Variants in RLF observed in about 807,000 individuals in gnomAD.
RLF encodes RLF zinc finger.
In RLF, 7 loss-of-function variants were observed where a neutral mutation model predicts 162.9. The ratio of observed to expected loss-of-function variants is 0.04; its 90% CI spans 0.02 to 0.08. The LOEUF is 0.08. Among genes scored for constraint, RLF ranks in the 10% least tolerant of loss-of-function variants. RLF has a pLI of 1.00. For synonymous variants in RLF, 782 were observed against 791.5 expected, an observed-to-expected ratio of 0.99 and a Z score of 0.20; for missense variants, 1,664 against 2,244.7, an observed-to-expected ratio of 0.74 and a Z score of 5.23.
chr1:40,194,056 C>T (rs750019235), intron 3 of RLF, among the ~76,000 whole-genome samples: 6 of 152,144 alleles, frequency 3.9e-5, no homozygotes, highest in Non-Finnish European at 7.3e-5. Context: ...GAAACATATA[C>T]GTAATCATTT....
chr1:40,195,529 C>A, intron 3 of RLF, 103 bp from the exon 4 acceptor site: 4 of 881,684 alleles, frequency 4.5e-6, no homozygotes, highest in South Asian at 4.4e-5. Flanking sequence ...TCAGGAAATC[C>A]AAATAGGTTC....
At chr1:40,212,185 C>T (rs540408337) in intron 5 of RLF, among the ~76,000 whole-genome samples, 28 of 152,100 alleles carry the variant, frequency 1.8e-4, no homozygotes, top group South Asian at 6.2e-4. Context: ...TGGGGGTATC[C>T]CAATAATAGG....
chr1:40,194,332 C>T (rs1427861676), intron 3 of RLF, among the ~76,000 whole-genome samples: 2 of 152,010 alleles, frequency 1.3e-5, no homozygotes, highest in Admixed American at 6.6e-5. Context: ...TAAAAGAAAG[C>T]GGCACCAATG....
chr1:40,200,654 T>C (rs1161934238), intron 4 of RLF, among the ~76,000 whole-genome samples: 4 of 151,976 alleles, frequency 2.6e-5, no homozygotes, highest in African/African-American at 9.7e-5. Flanking sequence ...TGGAAACTTG[T>C]TGTTTCTCAG....
chr1:40,239,847 T>C lies in RLF; in HGVS notation c.5145T>C (p.Ser1715=). 1 of 1,613,936 alleles carries C rather than the reference T, an allele frequency of 6.2e-7. No individual in the cohort carries two copies. Among genetic ancestry groups the C allele is most frequent in the Non-Finnish European group, 8.5e-7 (1 of 1,179,998 alleles). Residue 1715 remains serine (S), a synonymous_variant, in exon 8 of 8, where the codon AGT becomes AGC. Transcript: ENST00000372771. ...CTGAAAGTGGGACTTATTTCACAAG[T>C]TTCCAGCTGCCTTTACCAAGGATCA... ...NGTESGTYFT[S]FQLPLPRIKE... is the part of the protein sequence containing the mutation.
chr1:40,210,952 G>A (rs1642856642), intron 5 of RLF, among the ~76,000 whole-genome samples: 1 of 152,328 alleles, frequency 6.6e-6, no homozygotes, highest in South Asian at 2.1e-4. Flanking sequence ...GCAGGGAACT[G>A]TGTTATAGGA....
At chr1:40,208,822 C>CA (rs1249161442) in intron 5 of RLF, among the ~76,000 whole-genome samples, 1 of 151,980 alleles carries the variant, frequency 6.6e-6, no homozygotes, top group Non-Finnish European at 1.5e-5. Flanking sequence ...GTCTCAAAAA[C>CA]AAAAAAACTT....
intron 6 of RLF, among the ~76,000 whole-genome samples, chr1:40,225,878 CAAAAAAAA>C (rs71577617): frequency 0.026 from 383 of 14,790 alleles, 2 homozygotes; most frequent in Non-Finnish European, 0.038. Context: ...GACTCCGTCG[CAAAAAAAA>C]AAAAAAAAAA....
intron 5 of RLF, among the ~76,000 whole-genome samples, chr1:40,203,594 A>T (rs1421938477): frequency 6.6e-6 from 1 of 152,040 alleles, no homozygotes; most frequent in Non-Finnish European, 1.5e-5. Flanking sequence ...TAAAAAAAAA[A>T]AACCTCAATT....
chr1:40,169,546 G>T (rs1642211523), intron 1 of RLF, among the ~76,000 whole-genome samples: 1 of 148,720 alleles, frequency 6.7e-6, no homozygotes, highest in Non-Finnish European at 1.5e-5. Flanking sequence ...AACCCGGGAG[G>T]CGGAGCTTGC....
intron 1 of RLF, among the ~76,000 whole-genome samples, chr1:40,178,449 A>G (rs1642356689): frequency 6.6e-6 from 1 of 152,134 alleles, no homozygotes; most frequent in South Asian, 2.1e-4. Context: ...TCAGCTTTGT[A>G]AGATGACAGG....
At chr1:40,177,495 G>A (rs555923437) in intron 1 of RLF, among the ~76,000 whole-genome samples, 3 of 151,856 alleles carry the variant, frequency 2.0e-5, no homozygotes, top group Admixed American at 6.6e-5. Flanking sequence ...GGGTTTCATG[G>A]TGTTAGCCAG....
At chr1:40,176,888 T>C (rs1263729014) in intron 1 of RLF, among the ~76,000 whole-genome samples, 3 of 152,174 alleles carry the variant, frequency 2.0e-5, no homozygotes, top group East Asian at 1.9e-4. Context: ...GTTTCTGATA[T>C]ATGCTTTGCA....
At chr1:40,192,171 T>C (rs997906014) in intron 3 of RLF, among the ~76,000 whole-genome samples, 2 of 152,192 alleles carry the variant, frequency 1.3e-5, no homozygotes, top group Non-Finnish European at 2.9e-5. Context: ...ATCTCACATA[T>C]CCGTACAGCT....
chr1:40,183,159 A>C (rs1004673945), intron 1 of RLF, among the ~76,000 whole-genome samples: 5 of 152,112 alleles, frequency 3.3e-5, no homozygotes, highest in Non-Finnish European at 7.4e-5. Context: ...CGTACTTCAG[A>C]GATCCATCTC....
chr1:40,240,443 C>A lies in RLF; in HGVS notation c.5741C>A (p.Ser1914Ter). The A allele has an allele frequency of 6.2e-7, 1 of 1,606,018 alleles. No homozygotes were observed. The highest frequency in any genetic ancestry group is 1.1e-5 in the South Asian group (1 of 90,142). The part of the protein sequence containing the change: ...KKTDELCVGS[S>*] The stretch of plus-strand genomic sequence containing the variant: ...ACAGATGAGCTTTGTGTAGGAAGTT[C>A]ATAAGTAGCAATTTTGTTTTAGTAA... Residue 1914 changes from serine to a stop codon, truncating the protein, a stop_gained, in exon 8 of 8, where the codon TCA (serine) becomes TAA (stop). Transcript: ENST00000372771. LOFTEE classifies it high-confidence loss of function.
At chr1:40,176,614 G>T (rs558543067) in intron 1 of RLF, among the ~76,000 whole-genome samples, 3 of 152,116 alleles carry the variant, frequency 2.0e-5, no homozygotes, top group Admixed American at 2.0e-4. Context: ...TAATTTTTTT[G>T]TATTTTTTTA....
intron 1 of RLF, among the ~76,000 whole-genome samples, chr1:40,167,818 TG>T (rs1642187339): frequency 6.6e-6 from 1 of 151,628 alleles, no homozygotes; most frequent in Non-Finnish European, 1.5e-5. Context: ...TAAAACTTAA[TG>T]GGTACTCACT....
At chr1:40,191,492 C>T (rs528763367) in intron 3 of RLF, among the ~76,000 whole-genome samples, 30 of 151,184 alleles carry the variant, frequency 2.0e-4, no homozygotes, top group African/African-American at 6.8e-4. Flanking sequence ...GAGCCAAGAT[C>T]GCACCACTGC....
Sources: allele counts gnomAD v4.1 joint callset (sites outside exome capture counted in the v4.1 genomes callset), GRCh38; gene constraint gnomAD v4.1.1; transcripts MANE v1.5; gene names NCBI Gene and HGNC (gene_info 2026-07-23, HGNC 2026-07-21).